The following TMEM132D variants were observed in gnomAD, a reference collection of about 807,000 sequenced individuals.
The protein encoded by TMEM132D is mature OL transmembrane protein.
Under a neutral mutation model 62.3 loss-of-function variants are expected in TMEM132D, and 21 were observed. That is an observed-to-expected ratio of 0.34 (90% CI 0.24 to 0.49). TMEM132D has a LOEUF of 0.49. Among genes scored for constraint, TMEM132D ranks in the 20% least tolerant of loss-of-function variants. TMEM132D has a pLI of 0.99. For synonymous variants in TMEM132D, 621 were observed against 575.6 expected (o/e 1.08, Z -1.13); for missense variants, 1,346 against 1,402.8 (o/e 0.96, Z 0.65).
intron 3 of TMEM132D, among the ~76,000 whole-genome samples, chr12:129,502,119 C>T (rs1875165858): frequency 6.6e-6 from 1 of 152,128 alleles, no homozygotes; most frequent in African/African-American, 2.4e-5. Flanking sequence ...CCTGCCTCAG[C>T]CTCCCGAGTA....
At chr12:129,655,376 A>C (rs1880046048) in intron 2 of TMEM132D, among the ~76,000 whole-genome samples, 2 of 151,612 alleles carry the variant, frequency 1.3e-5, no homozygotes, top group Admixed American at 6.6e-5. Flanking sequence ...CCTCCTAAGT[A>C]GCTGAGATTA....
At chr12:129,704,836 A>AACATACCTT in intron 1 of TMEM132D, among the ~76,000 whole-genome samples, 1 of 152,386 alleles carries the variant, frequency 6.6e-6, no homozygotes, top group South Asian at 2.1e-4. Context: ...GTAGAGGAAT[A>AACATACCTT]ACATACCTTT....
In TMEM132D at chr12:129,174,424, TTGTG is replaced by T. The variant is rs1877840559; in HGVS notation, c.1443+35092_1443+35095del. 2.0e-5 allele frequency among the ~76,000 whole-genome samples: 3 copies of T among 152,334 alleles called. No individual in the cohort carries two copies. In the South Asian group the frequency reaches 6.2e-4, roughly 32 times the overall value. ...GACATGATCTCATGTATTTTTATGG[TTGTG>T]TATTATTCCATGGTGTATATGTACC... On this transcript the variant is annotated intron_variant, in intron 5 of 8. Transcript: ENST00000422113.
chr12:129,682,641 C>T (rs1180682767), intron 2 of TMEM132D, among the ~76,000 whole-genome samples: 2 of 151,794 alleles, frequency 1.3e-5, no homozygotes, highest in African/African-American at 2.4e-5. Flanking sequence ...GGGTGGATCA[C>T]GAGGTCAGGA....
At chr12:129,644,427 G>T (rs1880470727) in intron 2 of TMEM132D, among the ~76,000 whole-genome samples, 1 of 152,050 alleles carries the variant, frequency 6.6e-6, no homozygotes. Flanking sequence ...GTTTGTCCTT[G>T]CAGCTGTAAT....
chr12:129,789,415 T>G (rs1320920393), intron 1 of TMEM132D, among the ~76,000 whole-genome samples: 1 of 152,200 alleles, frequency 6.6e-6, no homozygotes, highest in African/African-American at 2.4e-5. Flanking sequence ...GTGAAAAAGA[T>G]ACTTACACAC....
intron 5 of TMEM132D, among the ~76,000 whole-genome samples, chr12:129,087,550 T>A (rs896436904): frequency 1.9e-4 from 29 of 151,626 alleles, no homozygotes; most frequent in African/African-American, 6.5e-4. Context: ...GAAGGTCCTG[T>A]GACCACAGAA....
intron 1 of TMEM132D, among the ~76,000 whole-genome samples, chr12:129,822,203 G>A (rs1431186609): frequency 6.6e-6 from 1 of 152,130 alleles, no homozygotes; most frequent in African/African-American, 2.4e-5. Flanking sequence ...ATGGGGCACT[G>A]AGCAGGGCTG....
intron 3 of TMEM132D, among the ~76,000 whole-genome samples, chr12:129,502,574 CCT>C (rs1875186541): frequency 6.6e-6 from 1 of 151,852 alleles, no homozygotes; most frequent in African/African-American, 2.4e-5. Flanking sequence ...GGATTCTCCA[CCT>C]CTCTTTTAAT....
rs1565972138 is a variant in TMEM132D, at chr12:129,125,499, A to ATTTTTTTTTTTTTTTTTTTT, written c.1444-40798_1444-40797insAAAAAAAAAAAAAAAAAAAA. ...GATGTGACGATGTCGAATTACTATG[A>ATTTTTTTTTTTTTTTTTTTT]GTTTTTTTTTTTTTTTTTTTTTTGA... is the stretch of plus-strand genomic sequence containing the variant. On this transcript the variant is annotated intron_variant, in intron 5 of 8. Coordinates refer to ENST00000422113, the MANE Select transcript of TMEM132D (RefSeq NM_133448.3). 1.6e-5 allele frequency among the ~76,000 whole-genome samples: 2 copies of ATTTTTTTTTTTTTTTTTTTT among 127,834 alleles called. 1 individual carries two copies. The allele number at this position is 127,834 out of a possible 152,430, so 83.9% of individuals were successfully genotyped here.
At chr12:129,090,611 T>A (rs1455111301) in intron 5 of TMEM132D, among the ~76,000 whole-genome samples, 1 of 151,876 alleles carries the variant, frequency 6.6e-6, no homozygotes, top group African/African-American at 2.4e-5. Context: ...GAAGTTGCAG[T>A]GAGCCAAGAT....
At chr12:129,778,708 G>A (rs536501299) in intron 1 of TMEM132D, among the ~76,000 whole-genome samples, 2 of 152,232 alleles carry the variant, frequency 1.3e-5, no homozygotes, top group Non-Finnish European at 2.9e-5. Flanking sequence ...CGGCATGGTT[G>A]TATTTTGACT....
At chr12:129,835,785 G>A (rs7956396) in intron 1 of TMEM132D, among the ~76,000 whole-genome samples, 56,791 of 152,006 alleles carry the variant, frequency 0.37, 11,736 homozygotes, top group Non-Finnish European at 0.47. Flanking sequence ...ATGAGTCCCT[G>A]GGACCAGCTA....
intron 1 of TMEM132D, among the ~76,000 whole-genome samples, chr12:129,728,159 C>A (rs1869105646): frequency 6.6e-6 from 1 of 152,204 alleles, no homozygotes; most frequent in Non-Finnish European, 1.5e-5. Flanking sequence ...TGTCCCACAT[C>A]AATCCATCAT....
At chr12:129,704,705 G>T (rs565474129) in intron 1 of TMEM132D, among the ~76,000 whole-genome samples, 1 of 151,908 alleles carries the variant, frequency 6.6e-6, no homozygotes, top group Non-Finnish European at 1.5e-5. Flanking sequence ...AACATGCAAC[G>T]CCAATGTAAA....
chr12:129,341,501 G>A lies in TMEM132D; in HGVS notation c.1116-3684C>T, dbSNP rs188936025. Among the ~76,000 whole-genome samples, 60 of 152,292 alleles carry A rather than the reference G, an allele frequency of 3.9e-4. 1 individual carries two copies. The highest frequency in any genetic ancestry group is 9.9e-4 in the African/African-American group (41 of 41,562). On this transcript the variant is annotated intron_variant, in intron 3 of 8. Coordinates refer to ENST00000422113, the MANE Select transcript of TMEM132D (RefSeq NM_133448.3). ...GGGTCAAAGGTGTTCAAACCAGAGC[G>A]ACTCCATCCTGAATGAGGGCTGGAA...
chr12:129,609,828 T>C (rs1878723114), intron 2 of TMEM132D, among the ~76,000 whole-genome samples: 2 of 152,076 alleles, frequency 1.3e-5, no homozygotes, highest in Non-Finnish European at 2.9e-5. Flanking sequence ...AAAAACCCAA[T>C]ATGATTAAAG....
At chr12:129,101,850 G>C (rs12226971) in intron 5 of TMEM132D, among the ~76,000 whole-genome samples, 1 of 151,946 alleles carries the variant, frequency 6.6e-6, no homozygotes, top group African/African-American at 2.4e-5. Context: ...GACGTATTTC[G>C]GACTATAAAT....
At position 129,551,570 on chromosome 12, in the gene TMEM132D, A is replaced by G. The variant is rs567632112; in HGVS notation, c.969-20365T>C. On this transcript the variant is annotated intron_variant, in intron 2 of 8. Coordinates refer to ENST00000422113, the MANE Select transcript of TMEM132D (RefSeq NM_133448.3). ...TTGGCTTGTCTTGGAACATAACACA[A>G]TAACACTTGACCTATCTACTTTAGT... Among the ~76,000 whole-genome samples the G allele has an allele frequency of 4.6e-5, 7 of 152,334 alleles. No homozygotes were observed. The East Asian group carries it at 5.8e-4, about 13-fold the overall frequency.
Sources: gnomAD v4.1 joint callset for allele counts (sites outside exome capture counted in the v4.1 genomes callset) on GRCh38, gnomAD v4.1.1 for gene constraint, MANE v1.5 for transcripts, NCBI Gene and HGNC (gene_info 2026-07-23, HGNC 2026-07-21) for gene names.